Variants in KHDRBS2 observed in about 807,000 individuals in gnomAD.
KHDRBS2 encodes KH RNA binding domain containing, signal transduction associated 2.
In KHDRBS2, 26 loss-of-function variants were observed where a neutral mutation model predicts 44.3. The ratio of observed to expected loss-of-function variants is 0.59; its 90% CI spans 0.43 to 0.81. The LOEUF (loss-of-function observed/expected upper bound fraction) is 0.81. Ranked by LOEUF, KHDRBS2 falls within the 40% of genes least tolerant of loss-of-function variation. The pLI is 0.00. For missense variants in KHDRBS2, 476 were observed against 433.1 expected (o/e 1.10, Z -0.88); for synonymous variants, 194 against 151.1 (o/e 1.28, Z -2.08).
intron 3 of KHDRBS2, among the ~76,000 whole-genome samples, chr6:62,029,018 T>A (rs1004768325): frequency 3.3e-5 from 5 of 152,166 alleles, no homozygotes; most frequent in Admixed American, 2.0e-4. Context: ...AATATGTTTA[T>A]GAGCACATGT....
intron 4 of KHDRBS2, among the ~76,000 whole-genome samples, chr6:61,920,951 G>A (rs1259128876): frequency 1.3e-5 from 2 of 151,940 alleles, no homozygotes; most frequent in African/African-American, 4.8e-5. Flanking sequence ...GGCAACGTAA[G>A]TGAAAATAGC....
intron 5 of KHDRBS2, 75 bp from the exon 6 acceptor site, chr6:61,894,908 T>C (rs1583383075): frequency 1.1e-6 from 1 of 900,640 alleles, no homozygotes; most frequent in East Asian, 2.4e-5. Flanking sequence ...AAAGTTTTCA[T>C]CTCACAGCCT....
Position 61,705,876 on chromosome 6 carries a change from T to G in KHDRBS2, c.894-8623A>C, listed in dbSNP as rs1314610553. On this transcript the variant is annotated intron_variant, in intron 7 of 8. Coordinates refer to ENST00000281156, the MANE Select transcript of KHDRBS2 (RefSeq NM_152688.4). ...TACAATGCCTACAATGCTATACACC[T>G]CCTATAAATAACATGGTATTGTTGA... Among the ~76,000 whole-genome samples, 3 of 151,784 alleles carry G rather than the reference T, an allele frequency of 2.0e-5. No homozygotes were observed. In the South Asian group the frequency reaches 6.2e-4, roughly 31 times the overall value.
chr6:62,255,339 T>C (rs571376074), intron 1 of KHDRBS2, among the ~76,000 whole-genome samples: 17 of 152,150 alleles, frequency 1.1e-4, no homozygotes, highest in African/African-American at 4.1e-4. Context: ...ATAACAACTT[T>C]TGTTATTTTG....
At chr6:61,934,572 TA>T (rs780803622) in intron 4 of KHDRBS2, among the ~76,000 whole-genome samples, 9 of 152,214 alleles carry the variant, frequency 5.9e-5, no homozygotes, top group Non-Finnish European at 1.0e-4. Context: ...CAATCCAGTG[TA>T]ACATAAACTT....
the KHDRBS2 span, among the ~76,000 whole-genome samples, chr6:61,604,821 C>T: frequency 2.6e-5 from 4 of 152,242 alleles, no homozygotes; most frequent in East Asian, 3.9e-4. Flanking sequence ...GCCTATCCCA[C>T]AGGGTCTGAA....
At chr6:62,241,820 G>A (rs2150168063) in intron 1 of KHDRBS2, among the ~76,000 whole-genome samples, 1 of 149,742 alleles carries the variant, frequency 6.7e-6, no homozygotes, top group East Asian at 1.9e-4. Context: ...AAGTACAGTA[G>A]AAGGGCAAAT....
chr6:61,989,386 T>C (rs1321959696), intron 3 of KHDRBS2, among the ~76,000 whole-genome samples: 1 of 152,202 alleles, frequency 6.6e-6, no homozygotes, highest in Admixed American at 6.6e-5. Flanking sequence ...ACAAGAAGTT[T>C]GTTTGTTTTT....
At chr6:62,099,810 A>G (rs553096480) in intron 2 of KHDRBS2, among the ~76,000 whole-genome samples, 1 of 152,298 alleles carries the variant, frequency 6.6e-6, no homozygotes, top group South Asian at 2.1e-4. Context: ...CATTGACAAC[A>G]CACCTAATCA....
intron 4 of KHDRBS2, among the ~76,000 whole-genome samples, chr6:61,950,811 T>C (rs1764582196): frequency 6.6e-6 from 1 of 152,072 alleles, no homozygotes; most frequent in African/African-American, 2.4e-5. Flanking sequence ...TATTTCTTTA[T>C]GTATACATAT....
chr6:62,125,188 G>C (rs1330804615), intron 2 of KHDRBS2, among the ~76,000 whole-genome samples: 3 of 152,166 alleles, frequency 2.0e-5, no homozygotes, highest in Non-Finnish European at 2.9e-5. Flanking sequence ...CTGTGTGGCA[G>C]GGAAAGAAAA....
chr6:61,798,327 T>C (rs1272174141), intron 6 of KHDRBS2, among the ~76,000 whole-genome samples: 2 of 152,116 alleles, frequency 1.3e-5, no homozygotes, highest in Non-Finnish European at 2.9e-5. Flanking sequence ...ATTATTTCAC[T>C]TCCATGCTCA....
intron 6 of KHDRBS2, among the ~76,000 whole-genome samples, chr6:61,774,179 A>G (rs1285511854): frequency 6.6e-6 from 1 of 152,160 alleles, no homozygotes. Context: ...AATTCTGTGA[A>G]GAAAGTCATT....
the KHDRBS2 span, among the ~76,000 whole-genome samples, chr6:61,623,829 G>A: frequency 6.6e-6 from 1 of 152,088 alleles, no homozygotes; most frequent in East Asian, 1.9e-4. Flanking sequence ...TTGATATGTG[G>A]GAGTGAACTG....
intron 2 of KHDRBS2, among the ~76,000 whole-genome samples, chr6:62,103,468 G>A (rs1041894366): frequency 6.6e-6 from 1 of 152,210 alleles, no homozygotes; most frequent in African/African-American, 2.4e-5. Context: ...GTTCTGCATG[G>A]AGTGGGCACT....
chr6:61,714,895 G>A (rs1456617180), intron 7 of KHDRBS2, among the ~76,000 whole-genome samples: 5 of 151,832 alleles, frequency 3.3e-5, no homozygotes, highest in Non-Finnish European at 7.4e-5. Context: ...AGACTCAGAA[G>A]AGTGGGGGAA....
intron 4 of KHDRBS2, among the ~76,000 whole-genome samples, chr6:61,911,336 T>C (rs1007351499): frequency 5.9e-5 from 9 of 152,190 alleles, no homozygotes; most frequent in Non-Finnish European, 1.2e-4. Context: ...CAGCCACTAA[T>C]GTAGGTTCTG....
intron 2 of KHDRBS2, among the ~76,000 whole-genome samples, chr6:62,070,642 A>G (rs1234097541): frequency 6.6e-6 from 1 of 152,116 alleles, no homozygotes; most frequent in Non-Finnish European, 1.5e-5. Flanking sequence ...TTCCAGCTTC[A>G]TCCATGCCCC....
chr6:61,875,193 GGA>G (rs149120821), intron 6 of KHDRBS2, among the ~76,000 whole-genome samples: 40 of 147,894 alleles, frequency 2.7e-4, no homozygotes, highest in Non-Finnish European at 3.0e-4. Context: ...GGGCAGGGAG[GGA>G]GAGAGAGAGA....
Sources: allele counts gnomAD v4.1 joint callset (sites outside exome capture counted in the v4.1 genomes callset), GRCh38; gene constraint gnomAD v4.1.1; transcripts MANE v1.5; gene names NCBI Gene and HGNC (gene_info 2026-07-23, HGNC 2026-07-21).